SOX5: variants seen among roughly 807,000 people sequenced by gnomAD.
The protein encoded by SOX5 is transcription factor SOX-5.
SOX5 carries 9 observed loss-of-function variants against 92.0 expected under a neutral mutation model. That is an observed-to-expected ratio of 0.10 (90% CI 0.06 to 0.17). SOX5 has a LOEUF of 0.17. Ranked by LOEUF, SOX5 falls within the 10% of genes least tolerant of loss-of-function variation. The pLI is 1.00. For missense variants in SOX5, 642 were observed against 944.5 expected (o/e 0.68, Z 4.20); for synonymous variants, 344 against 336.3 (o/e 1.02, Z -0.25).
intron 3 of SOX5, among the ~76,000 whole-genome samples, chr12:24,256,908 T>G (rs1941293472): frequency 1.3e-5 from 2 of 152,264 alleles, no homozygotes; most frequent in Non-Finnish European, 2.9e-5. Context: ...TTAGCATCCC[T>G]GTCTTTGAGT....
intron 3 of SOX5, among the ~76,000 whole-genome samples, chr12:23,769,923 C>T (rs1346573561): frequency 2.0e-5 from 3 of 152,034 alleles, no homozygotes; most frequent in African/African-American, 2.4e-5. Context: ...CTTACTAATG[C>T]TCATAACACT....
intron 1 of SOX5, chr12:24,368,767 T>G (rs779988524): frequency 6.6e-6 from 1 of 152,228 alleles, no homozygotes; most frequent in Non-Finnish European, 1.5e-5. Flanking sequence ...TTCCTGTATA[T>G]CCTACATTAT....
At chr12:23,726,869 CT>C in intron 6 of SOX5, among the ~76,000 whole-genome samples, 1 of 152,270 alleles carries the variant, frequency 6.6e-6, no homozygotes, top group African/African-American at 2.4e-5. Flanking sequence ...CTGAAGCCCG[CT>C]GGTTCTGTGC....
chr12:23,792,165 T>C (rs2141981331), intron 3 of SOX5, among the ~76,000 whole-genome samples: 1 of 152,004 alleles, frequency 6.6e-6, no homozygotes, highest in African/African-American at 2.4e-5. Flanking sequence ...AAAGTGCTGA[T>C]GAAAGACCAG....
intron 4 of SOX5, among the ~76,000 whole-genome samples, chr12:24,157,792 C>T (rs532757546): frequency 3.3e-5 from 5 of 152,196 alleles, no homozygotes; most frequent in Admixed American, 3.3e-4. Flanking sequence ...GCATTAAAAT[C>T]GTATCTCACC....
intron 4 of SOX5, among the ~76,000 whole-genome samples, chr12:24,095,152 G>GAGAGAGAGAGAC (rs879260192): frequency 0.013 from 1,710 of 136,638 alleles, 21 homozygotes; most frequent in Non-Finnish European, 0.02. Context: ...GAGAGAGAGA[G>GAGAGAGAGAGAC]AGAGACAGAG....
intron 4 of SOX5, among the ~76,000 whole-genome samples, chr12:24,092,219 GTCTTC>G (rs140216191): frequency 0.011 from 1,635 of 152,130 alleles, 36 homozygotes; most frequent in African/African-American, 0.037. Flanking sequence ...CTGATTCATT[GTCTTC>G]TCTTTCTGCT....
chr12:24,214,035 A>C (rs1958958344), intron 3 of SOX5, among the ~76,000 whole-genome samples: 1 of 152,022 alleles, frequency 6.6e-6, no homozygotes, highest in Admixed American at 6.5e-5. Context: ...TATGGAATAC[A>C]TATGTGTATA....
intron 1 of SOX5, among the ~76,000 whole-genome samples, chr12:24,446,779 A>C (rs762941979): frequency 2.0e-5 from 3 of 152,174 alleles, no homozygotes; most frequent in Non-Finnish European, 2.9e-5. Context: ...GTTTTATATC[A>C]ACAATTCCCC....
intron 4 of SOX5, among the ~76,000 whole-genome samples, chr12:24,161,963 A>T (rs1484189205): frequency 1.3e-5 from 2 of 152,124 alleles, no homozygotes; most frequent in East Asian, 3.9e-4. Context: ...AGAAAAATTT[A>T]TGGTTAATGG....
chr12:24,053,596 C>T (rs1157965717), intron 4 of SOX5, among the ~76,000 whole-genome samples: 5 of 152,174 alleles, frequency 3.3e-5, no homozygotes, highest in Non-Finnish European at 5.9e-5. Flanking sequence ...GTGATTTTAT[C>T]TACTGCATGA....
intron 2 of SOX5, among the ~76,000 whole-genome samples, chr12:23,894,546 G>A (rs547759267): frequency 6.6e-6 from 1 of 152,072 alleles, no homozygotes; most frequent in Non-Finnish European, 1.5e-5. Flanking sequence ...ATTCTTGGTG[G>A]AAAAATCTTG....
At position 23,563,423 on chromosome 12, in the gene SOX5, A is replaced by G. The variant is rs1000245180; in HGVS notation, c.1343-20T>C. The G allele has an allele frequency of 6.2e-7, 1 of 1,610,004 alleles. No individual in the cohort carries two copies. ...AGTAACCTGAACATGAGACAGATCA[A>G]AGGATATCTTTTGTATAAAAGCATG... On this transcript the variant is annotated intron_variant, in intron 10 of 14. Transcript: ENST00000451604.
chr12:23,983,884 CA>C (rs1309930337), intron 4 of SOX5, among the ~76,000 whole-genome samples: 1 of 152,028 alleles, frequency 6.6e-6, no homozygotes, highest in Non-Finnish European at 1.5e-5. Flanking sequence ...CAAATTAAAA[CA>C]AAAATTAAAC....
At chr12:24,454,984 A>G (rs138535037) in intron 1 of SOX5, among the ~76,000 whole-genome samples, 1 of 152,206 alleles carries the variant, frequency 6.6e-6, no homozygotes, top group Non-Finnish European at 1.5e-5. Context: ...TTTCAGGCCA[A>G]CTAAGGGGAT....
chr12:24,095,090 A>AACAC (rs150030739), intron 4 of SOX5, among the ~76,000 whole-genome samples: 1,437 of 131,572 alleles, frequency 0.011, 23 homozygotes, highest in African/African-American at 0.034. Context: ...CTAGCCCCGA[A>AACAC]ACACACACAC....
intron 10 of SOX5, among the ~76,000 whole-genome samples, chr12:23,574,876 T>TCTC (rs1228777020): frequency 6.6e-6 from 1 of 152,084 alleles, no homozygotes; most frequent in East Asian, 1.9e-4. Context: ...AATCCAACAC[T>TCTC]CTCCTCTCTT....
intron 3 of SOX5, among the ~76,000 whole-genome samples, chr12:23,813,582 A>G (rs1802400215): frequency 6.6e-6 from 1 of 152,220 alleles, no homozygotes; most frequent in South Asian, 2.1e-4. Context: ...ATGTTGTTCT[A>G]TAATCATTAT....
chr12:24,335,578 A>T (rs1162616722), intron 2 of SOX5, among the ~76,000 whole-genome samples: 1 of 152,110 alleles, frequency 6.6e-6, no homozygotes, highest in Non-Finnish European at 1.5e-5. Flanking sequence ...AACCCAGACA[A>T]TTTGGTTCCA....
Sources: allele counts gnomAD v4.1 joint callset (sites outside exome capture counted in the v4.1 genomes callset), GRCh38; gene constraint gnomAD v4.1.1; transcripts MANE v1.5; gene names NCBI Gene and HGNC (gene_info 2026-07-23, HGNC 2026-07-21).